EHMT1: variants seen among roughly 807,000 people sequenced by gnomAD.
EHMT1 encodes histone-lysine N-methyltransferase EHMT1.
A neutral mutation model predicts 147.2 loss-of-function variants in EHMT1; 15 were observed. The observed-to-expected ratio is 0.10, with a 90% CI of 0.07 to 0.16. The LOEUF (loss-of-function observed/expected upper bound fraction) is 0.16, where lower values mean the gene tolerates loss of function less well. EHMT1 is among the 10% of genes least tolerant of loss of function. The probability of loss-of-function intolerance (pLI) is 1.00; values close to 1 mark genes in which losing one functional copy is unlikely to be tolerated. For synonymous variants in EHMT1, 795 were observed against 709.6 expected (o/e 1.12, Z -1.91); for missense variants, 1,587 against 1,772.4 (o/e 0.90, Z 1.88).
At chr9:137,796,215 C>T (rs767921197) in intron 16 of EHMT1, among the ~76,000 whole-genome samples, 9 of 152,282 alleles carry the variant, frequency 5.9e-5, no homozygotes, top group South Asian at 2.1e-4. Context: ...CCACAGAGGC[C>T]GCCTTTGTGA....
chr9:137,758,923 C>T (rs539922902), intron 9 of EHMT1, among the ~76,000 whole-genome samples: 3 of 152,110 alleles, frequency 2.0e-5, no homozygotes, highest in South Asian at 4.2e-4. Context: ...GTCAGGAGAT[C>T]GAGACCATCC....
At chr9:137,815,100 T>C (rs1954815959) in intron 22 of EHMT1, among the ~76,000 whole-genome samples, 1 of 150,944 alleles carries the variant, frequency 6.6e-6, no homozygotes, top group Non-Finnish European at 1.5e-5. Context: ...GAGGTCACGG[T>C]GGGGGCGGAA....
chr9:137,741,961 G>A (rs971635094), intron 4 of EHMT1, among the ~76,000 whole-genome samples: 1 of 152,210 alleles, frequency 6.6e-6, no homozygotes, highest in Non-Finnish European at 1.5e-5. Context: ...TTATGATAGT[G>A]AGTTTAGGAT....
chr9:137,682,939 G>A (rs1301060350), intron 1 of EHMT1, among the ~76,000 whole-genome samples: 1 of 152,212 alleles, frequency 6.6e-6, no homozygotes, highest in Non-Finnish European at 1.5e-5. Context: ...GTGCCCACAC[G>A]CTGCACCAGT....
intron 1 of EHMT1, among the ~76,000 whole-genome samples, chr9:137,632,219 G>A (rs947308327): frequency 6.6e-6 from 1 of 152,206 alleles, no homozygotes; most frequent in East Asian, 1.9e-4. Flanking sequence ...GGGGTTCGAT[G>A]ACTTTACCAT....
intron 1 of EHMT1, among the ~76,000 whole-genome samples, chr9:137,691,469 C>T (rs1344899602): frequency 2.0e-5 from 3 of 151,782 alleles, no homozygotes; most frequent in Non-Finnish European, 4.4e-5. Context: ...TGAGCCACCG[C>T]GCCCAGCCGT....
chr9:137,738,326 T>A (rs1364724426), intron 4 of EHMT1, among the ~76,000 whole-genome samples: 1 of 151,920 alleles, frequency 6.6e-6, no homozygotes, highest in Non-Finnish European at 1.5e-5. Flanking sequence ...TCACTAATCA[T>A]AAGGTAAATG....
chr9:137,695,785 C>G (rs1440762589), intron 1 of EHMT1, among the ~76,000 whole-genome samples: 2 of 152,236 alleles, frequency 1.3e-5, no homozygotes, highest in Non-Finnish European at 2.9e-5. Context: ...GCCACTTCAG[C>G]CACATACTTC....
chr9:137,779,739 G>A (rs776987469), intron 14 of EHMT1, 22 bp downstream of exon 14: 36 of 1,612,254 alleles, frequency 2.2e-5, no homozygotes, highest in Middle Eastern at 1.6e-4. Flanking sequence ...CCTGCGGCCC[G>A]GGCACATGCA....
chr9:137,626,287 CAGTTAA>C (rs1190152706), intron 1 of EHMT1, among the ~76,000 whole-genome samples: 1 of 151,686 alleles, frequency 6.6e-6, no homozygotes, highest in Admixed American at 6.6e-5. Flanking sequence ...TTTAAAATTA[CAGTTAA>C]AGTTATTAAA....
intron 1 of EHMT1, among the ~76,000 whole-genome samples, chr9:137,686,809 C>T (rs1291360078): frequency 6.7e-6 from 1 of 149,866 alleles, no homozygotes; most frequent in African/African-American, 2.5e-5. Flanking sequence ...CGGCTCGCTA[C>T]AAGCTCTGCC....
chr9:137,721,518 C>G (rs1046105305), intron 3 of EHMT1, among the ~76,000 whole-genome samples: 3 of 115,264 alleles, frequency 2.6e-5, no homozygotes, highest in Non-Finnish European at 5.4e-5. Flanking sequence ...CTCACCCTCT[C>G]CCACGCCTCT....
Position 137,776,295 on chromosome 9 carries a change from C to G in EHMT1, c.1792-323C>G, listed in dbSNP as rs1390724337. Among the ~76,000 whole-genome samples, 1 of 152,188 alleles carries G rather than the reference C, an allele frequency of 6.6e-6. No individual in the cohort carries two copies. The highest frequency in any genetic ancestry group is 1.5e-5 in the Non-Finnish European group (1 of 68,042). On this transcript the variant is annotated intron_variant, in intron 11 of 26. Transcript: ENST00000460843. This position sits in a 1 kb window ranked among gnomAD's most constrained non-coding sequence, Gnocchi z 4.4. ...TGTCGTCTGTCCCTGTCCCTATCCGCCCTTCAGAGTAGGGGCCTTCTGGGT... is the reference window on the plus strand; with the variant it reads ...TGTCGTCTGTCCCTGTCCCTATCCGGCCTTCAGAGTAGGGGCCTTCTGGGT...
chr9:137,780,503 CGT>C (rs1951341227), intron 14 of EHMT1, among the ~76,000 whole-genome samples: 1 of 64,180 alleles, frequency 1.6e-5, no homozygotes, highest in Non-Finnish European at 2.9e-5. Flanking sequence ...GACGCTGAGA[CGT>C]GTGGTGATGA....
chr9:137,760,414 C>T (rs997591691), intron 9 of EHMT1, among the ~76,000 whole-genome samples: 1 of 152,160 alleles, frequency 6.6e-6, no homozygotes, highest in African/African-American at 2.4e-5. Flanking sequence ...GGTTGCTGAG[C>T]AGGATCATCT....
chr9:137,829,726 A>G lies in EHMT1; in HGVS notation c.3541-4623A>G, dbSNP rs145432624. On this transcript the variant is annotated intron_variant, in intron 25 of 26. Transcript: ENST00000460843. ...AACGGCCTGAGAAATCCCATGGTCC[A>G]CATTTCTGTGTGCCCCCCGTGGTGT... 3.8e-4 allele frequency among the ~76,000 whole-genome samples: 58 copies of G among 152,330 alleles called. No individual in the cohort carries two copies. The Middle Eastern group carries it at 0.01, about 27-fold the overall frequency.
At chr9:137,716,560 G>T (rs111278675) in intron 2 of EHMT1, 66 bp from the exon 3 acceptor site, 844 of 1,278,000 alleles carry the variant, frequency 6.6e-4, no homozygotes, top group African/African-American at 3.4e-3. Context: ...GGGAGGAAGT[G>T]GTGGTGGTGG....
Position 137,743,466 on chromosome 9 carries a change from T to G in EHMT1, c.919T>G (p.Leu307Val), listed in dbSNP as rs1336570792. 6.2e-7 allele frequency: 1 copy of G among 1,613,980 alleles called. No individual in the cohort carries two copies. The highest frequency in any genetic ancestry group is 8.5e-7 in the Non-Finnish European group (1 of 1,180,028). Residue 307 changes from leucine (L) to valine (V), a missense_variant, in exon 5 of 27, where the codon TTA (leucine) becomes GTA (valine). Leu to Val is a conservative substitution (Grantham distance 32). Coordinates refer to ENST00000460843, the MANE Select transcript of EHMT1 (RefSeq NM_024757.5). ...SLVPKKKTKVLKQRTVIEMFK... is the reference protein window; with the variant it reads ...SLVPKKKTKVVKQRTVIEMFK... Reference sequence around the variant, plus strand: ...GGTTCCTAAGAAAAAGACCAAAGTATTAAAACAGAGGACGGTGATTGAGAT... The same window carrying G: ...GGTTCCTAAGAAAAAGACCAAAGTAGTAAAACAGAGGACGGTGATTGAGAT...
chr9:137,671,480 A>G (rs943192118), intron 1 of EHMT1, among the ~76,000 whole-genome samples: 30 of 151,966 alleles, frequency 2.0e-4, no homozygotes, highest in Non-Finnish European at 3.7e-4. Flanking sequence ...CTGTCAAAAC[A>G]AAGCGACCCA....
Sources: allele counts gnomAD v4.1 joint callset (sites outside exome capture counted in the v4.1 genomes callset), GRCh38; gene constraint gnomAD v4.1.1; non-coding constraint Gnocchi (gnomAD v3.1); transcripts MANE v1.5; gene names NCBI Gene and HGNC (gene_info 2026-07-23, HGNC 2026-07-21).